The following EDNRA variants were observed in gnomAD, a reference collection of about 807,000 sequenced individuals.
EDNRA encodes endothelin receptor type A, also known as endothelin-1 receptor.
EDNRA carries 11 observed loss-of-function variants against 41.4 expected under a neutral mutation model. The ratio of observed to expected loss-of-function variants is 0.27; its 90% confidence interval spans 0.17 to 0.44. EDNRA has a LOEUF of 0.44. Among genes scored for constraint, EDNRA ranks in the 20% least tolerant of loss-of-function variants. EDNRA has a pLI of 1.00. For missense variants in EDNRA, 294 were observed against 531.0 expected (o/e 0.55, Z 4.39); for synonymous variants, 172 against 183.0 (o/e 0.94, Z 0.49).
At chr4:147,483,146 A>T (rs1381678994) in intron 1 of EDNRA, among the ~76,000 whole-genome samples, 1 of 152,216 alleles carries the variant, frequency 6.6e-6, no homozygotes, top group Admixed American at 6.5e-5. Flanking sequence ...TCATAGGTCT[A>T]TCAATTTTTG....
intron 5 of EDNRA, among the ~76,000 whole-genome samples, chr4:147,536,849 C>G (rs147199603): frequency 2.2e-4 from 33 of 152,298 alleles, no homozygotes; most frequent in Non-Finnish European, 3.4e-4. Flanking sequence ...TAGACTCATA[C>G]TTGGCTCTCT....
chr4:147,532,403 G>T, intron 3 of EDNRA, 103 bp from the exon 4 acceptor site: 1 of 872,342 alleles, frequency 1.1e-6, no homozygotes, highest in South Asian at 1.5e-5. Context: ...GACAATTACT[G>T]GTATTGGCAA....
intron 3 of EDNRA, among the ~76,000 whole-genome samples, chr4:147,528,952 A>G (rs1309151919): frequency 1.3e-5 from 2 of 152,094 alleles, no homozygotes; most frequent in African/African-American, 2.4e-5. Context: ...TCCAGTTGCT[A>G]TGTTCTGACG....
Position 147,539,693 on chromosome 4 carries a change from G to A in EDNRA, c.901-124G>A, listed in dbSNP as rs926521340. On this transcript the variant is annotated intron_variant, in intron 5 of 7. Coordinates refer to ENST00000651419, the MANE Select transcript of EDNRA (RefSeq NM_001957.4). The stretch of plus-strand genomic sequence containing the variant: ...AGGTAGAGGCAGTGTAAGCCAGGCT[G>A]TTCTCCTGGCTCTTCTTTGAATTAT... 4 of 1,128,366 alleles carry A rather than the reference G, an allele frequency of 3.5e-6. No homozygotes were observed. In the East Asian group the frequency reaches 7.2e-5, roughly 20 times the overall value. The allele number at this position is 1,128,366 out of a possible 1,614,324, so 69.9% of individuals were successfully genotyped here. A position where few individuals can be genotyped will look rare whatever the true frequency, so the allele number is the denominator to read the frequency against.
At chr4:147,507,703 A>T (rs1334032030) in intron 2 of EDNRA, among the ~76,000 whole-genome samples, 1 of 152,244 alleles carries the variant, frequency 6.6e-6, no homozygotes, top group Non-Finnish European at 1.5e-5. Context: ...AACTGGGGAA[A>T]TAAAATAATA....
chr4:147,543,743 A>T lies in EDNRA; in HGVS notation c.*1125A>T, dbSNP rs1419482953. 2.6e-5 allele frequency: 4 copies of T among 152,570 alleles called. No homozygotes were observed. Among genetic ancestry groups the T allele is most frequent in the African/African-American group, 9.7e-5 (4 of 41,428 alleles). The allele number at this position is 152,570 out of a possible 1,614,324, so 9.5% of individuals were successfully genotyped here. A position where few individuals can be genotyped will look rare whatever the true frequency, so the allele number is the denominator to read the frequency against. Reference sequence around the variant, plus strand: ...GTCTTTTTTGATCATTCCCTTTTCCATATAGGAAACATAATTTTGAAGTGG... The same window carrying T: ...GTCTTTTTTGATCATTCCCTTTTCCTTATAGGAAACATAATTTTGAAGTGG... On this transcript the variant is annotated 3_prime_UTR_variant, in exon 8 of 8. Transcript: ENST00000651419.
At chr4:147,505,532 G>A (rs915109090) in intron 2 of EDNRA, among the ~76,000 whole-genome samples, 9 of 151,292 alleles carry the variant, frequency 5.9e-5, no homozygotes, top group Non-Finnish European at 1.3e-4. Context: ...AGTAGAGACG[G>A]GGTTTCACCA....
At chr4:147,500,531 A>G (rs1055218619) in intron 2 of EDNRA, among the ~76,000 whole-genome samples, 2 of 152,184 alleles carry the variant, frequency 1.3e-5, no homozygotes, top group African/African-American at 4.8e-5. Context: ...TAGCCAGAGT[A>G]ACATGATGAA....
intron 5 of EDNRA, 136 bp downstream of exon 5, chr4:147,536,165 T>C: frequency 9.1e-7 from 1 of 1,100,128 alleles, no homozygotes. Context: ...GTTTTCTTTA[T>C]AGTAATAGTG....
At chr4:147,512,771 C>T (rs1276328117) in intron 2 of EDNRA, among the ~76,000 whole-genome samples, 1 of 152,222 alleles carries the variant, frequency 6.6e-6, no homozygotes, top group African/African-American at 2.4e-5. Context: ...TTCTGTGGAG[C>T]TCCCAGGGAA....
rs1288660130 is a variant in EDNRA at position 147,504,977 on chromosome 4, AG to A, written c.421-14872del. 5.4e-5 allele frequency among the ~76,000 whole-genome samples: 8 copies of A among 148,492 alleles called. No homozygotes were observed. The South Asian group carries it at 1.7e-3, about 32-fold the overall frequency. ...TGTCTCAAAAAAAAAAAAAAAAAAA[AG>A]GATTCATATCTAGAATATACAGAGA... On this transcript the variant is annotated intron_variant, in intron 2 of 7. Transcript: ENST00000651419.
chr4:147,520,965 A>T (rs1240248924), intron 3 of EDNRA, among the ~76,000 whole-genome samples: 1 of 152,210 alleles, frequency 6.6e-6, no homozygotes, highest in Non-Finnish European at 1.5e-5. Context: ...CCTTGTTATA[A>T]ATTTATGTCA....
At chr4:147,534,969 A>G (rs767273234) in intron 4 of EDNRA, among the ~76,000 whole-genome samples, 7 of 152,126 alleles carry the variant, frequency 4.6e-5, no homozygotes, top group Non-Finnish European at 1.0e-4. Context: ...GCCTCTTTCT[A>G]TATTCAGAAA....
rs1730246586 is a variant in EDNRA at position 147,519,708 on chromosome 4, A to G, written c.421-143A>G. On this transcript the variant is annotated intron_variant, in intron 2 of 7. Coordinates refer to ENST00000651419, the MANE Select transcript of EDNRA (RefSeq NM_001957.4). This position sits in a 1 kb window ranked among gnomAD's most constrained non-coding sequence, Gnocchi z 4.1. ...TAAAATACGAAAGAAAAAAATAACA[A>G]TTCTAATACTCTTTTGCTACAGTGC... is the stretch of plus-strand genomic sequence containing the variant. 1 of 960,148 alleles carries G rather than the reference A, an allele frequency of 1.0e-6. No homozygotes were observed. The highest frequency in any genetic ancestry group is 1.4e-6 in the Non-Finnish European group (1 of 690,332). 59.5% of individuals were successfully genotyped at this position (960,148 alleles called of 1,614,324 possible). A position where few individuals can be genotyped will look rare whatever the true frequency, so the allele number is the denominator to read the frequency against.
chr4:147,537,881 G>A (rs1730969668), intron 5 of EDNRA, among the ~76,000 whole-genome samples: 1 of 123,200 alleles, frequency 8.1e-6, no homozygotes, highest in Non-Finnish European at 1.7e-5. Flanking sequence ...AAGTGTGGCT[G>A]AAAGTCCTGC....
intron 2 of EDNRA, among the ~76,000 whole-genome samples, chr4:147,501,290 C>G (rs943862304): frequency 1.3e-5 from 2 of 152,224 alleles, no homozygotes; most frequent in African/African-American, 4.8e-5. Flanking sequence ...ATATTCTGTT[C>G]AGACTACCTC....
chr4:147,529,021 T>C (rs1423215629), intron 3 of EDNRA, among the ~76,000 whole-genome samples: 2 of 152,124 alleles, frequency 1.3e-5, no homozygotes, highest in African/African-American at 2.4e-5. Flanking sequence ...AAGGTGGACA[T>C]AGGAAGATCA....
At chr4:147,527,408 C>T (rs528953368) in intron 3 of EDNRA, among the ~76,000 whole-genome samples, 6 of 152,076 alleles carry the variant, frequency 3.9e-5, no homozygotes, top group South Asian at 4.1e-4. Context: ...ATAAGGGCCA[C>T]GCCCGTGTAG....
chr4:147,524,328 C>T (rs1311913502), intron 3 of EDNRA, among the ~76,000 whole-genome samples: 2 of 151,922 alleles, frequency 1.3e-5, no homozygotes, highest in Non-Finnish European at 2.9e-5. Context: ...CGGGGAGATA[C>T]TGGGAAAGTT....
Sources: gnomAD v4.1 joint callset for allele counts (sites outside exome capture counted in the v4.1 genomes callset) on GRCh38, gnomAD v4.1.1 for gene constraint, Gnocchi (gnomAD v3.1) non-coding constraint, MANE v1.5 for transcripts, NCBI Gene and HGNC (gene_info 2026-07-23, HGNC 2026-07-21) for gene names.